Variants in PJA2 observed in about 807,000 individuals in gnomAD.
The protein encoded by PJA2 is praja ring finger ubiquitin ligase 2.
A neutral mutation model predicts 69.3 loss-of-function variants in PJA2; 25 were observed. The ratio of observed to expected loss-of-function variants is 0.36; its 90% confidence interval spans 0.26 to 0.50. PJA2 has a LOEUF of 0.50. Among genes scored for constraint, PJA2 ranks in the 20% least tolerant of loss-of-function variants. The pLI is 0.96. For synonymous variants in PJA2, 308 were observed against 277.8 expected, an observed-to-expected ratio of 1.11 and a Z score of -1.08; for missense variants, 809 against 830.2, an observed-to-expected ratio of 0.97 and a Z score of 0.31.
At chr5:109,391,376 T>C (rs573720503) in intron 1 of PJA2, among the ~76,000 whole-genome samples, 2 of 152,322 alleles carry the variant, frequency 1.3e-5, no homozygotes, top group African/African-American at 2.4e-5. Flanking sequence ...CATATTTTAA[T>C]GTTTGTTATG....
intron 3 of PJA2, among the ~76,000 whole-genome samples, chr5:109,379,829 T>C (rs1034720935): frequency 2.0e-5 from 3 of 152,208 alleles, no homozygotes; most frequent in South Asian, 2.1e-4. Flanking sequence ...AAGTTTACTT[T>C]AGATGTGTTA....
Position 109,409,874 on chromosome 5 carries a change from C to A in PJA2, c.-120G>T. 1 of 166,710 alleles carries A rather than the reference C, an allele frequency of 6.0e-6. No individual in the cohort carries two copies. The highest frequency in any genetic ancestry group is 1.1e-4 in the South Asian group (1 of 8,902). 10.3% of individuals were successfully genotyped at this position (166,710 alleles called of 1,614,324 possible). A position where few individuals can be genotyped will look rare whatever the true frequency, so the allele number is the denominator to read the frequency against. ...TGCAGCGGCTCCGGAGCGAGAACAG[C>A]GCTCGAACCTCCACCCGCCACCACC... is the stretch of plus-strand genomic sequence containing the variant. On this transcript the variant is annotated 5_prime_UTR_variant, in exon 1 of 10. Coordinates refer to ENST00000361189, the MANE Select transcript of PJA2 (RefSeq NM_014819.5).
intron 1 of PJA2, among the ~76,000 whole-genome samples, chr5:109,403,544 A>G (rs1330713485): frequency 1.3e-5 from 2 of 151,806 alleles, no homozygotes; most frequent in African/African-American, 4.8e-5. Flanking sequence ...AGTATCTTTC[A>G]TGAACATAGA....
chr5:109,356,089 G>T, intron 6 of PJA2, 63 bp from the exon 7 acceptor site: 1 of 1,082,750 alleles, frequency 9.2e-7, no homozygotes, highest in South Asian at 1.3e-5. Context: ...CTTATGCTGA[G>T]GACATAATTA....
At chr5:109,396,422 C>CTT (rs35744917) in intron 1 of PJA2, among the ~76,000 whole-genome samples, 238 of 85,228 alleles carry the variant, frequency 2.8e-3, no homozygotes, top group East Asian at 7.2e-3. Flanking sequence ...ATGTAAAGTT[C>CTT]TTTTTTTTTT....
chr5:109,380,804 CAAAAAAA>C (rs34675958), intron 3 of PJA2, among the ~76,000 whole-genome samples: 8 of 88,734 alleles, frequency 9.0e-5, no homozygotes, highest in African/African-American at 3.9e-4. Context: ...GATTCCATCT[CAAAAAAA>C]AAAAAAAAAA....
intron 1 of PJA2, among the ~76,000 whole-genome samples, chr5:109,387,551 T>C (rs1294096701): frequency 6.6e-6 from 1 of 152,218 alleles, no homozygotes; most frequent in Admixed American, 6.5e-5. Flanking sequence ...TTGTGACAAT[T>C]AGTCACTTCA....
chr5:109,354,938 G>T (rs1762388078), intron 7 of PJA2, among the ~76,000 whole-genome samples: 1 of 151,448 alleles, frequency 6.6e-6, no homozygotes, highest in Non-Finnish European at 1.5e-5. Flanking sequence ...AACATAATTG[G>T]ACCCTATCTC....
intron 9 of PJA2, among the ~76,000 whole-genome samples, chr5:109,340,625 C>CTCTCCCT (rs1306841705): frequency 0.039 from 50 of 1,284 alleles, 19 homozygotes; most frequent in Admixed American, 0.069. Flanking sequence ...GGTCCCTCCC[C>CTCTCCCT]CTCCCCCTCC....
intron 9 of PJA2, among the ~76,000 whole-genome samples, chr5:109,338,683 T>C (rs905850081): frequency 2.0e-5 from 3 of 151,930 alleles, no homozygotes; most frequent in African/African-American, 7.3e-5. Context: ...CAAACATTTA[T>C]TGTGTACTTG....
chr5:109,343,140 C>T (rs547649530), intron 9 of PJA2, among the ~76,000 whole-genome samples: 1 of 117,116 alleles, frequency 8.5e-6, no homozygotes, highest in African/African-American at 3.5e-5. Context: ...ACATGGGAGA[C>T]TTTTCATTTT....
intron 4 of PJA2, among the ~76,000 whole-genome samples, chr5:109,371,561 CA>C (rs1312291377): frequency 6.6e-6 from 1 of 152,116 alleles, no homozygotes; most frequent in East Asian, 1.9e-4. Context: ...TGCTTTTCTC[CA>C]AATTAGACCT....
chr5:109,402,155 C>A (rs967670188), intron 1 of PJA2, among the ~76,000 whole-genome samples: 1 of 151,958 alleles, frequency 6.6e-6, no homozygotes, highest in African/African-American at 2.4e-5. Flanking sequence ...ATAAAATGCA[C>A]TCAAAAATAG....
chr5:109,395,866 G>A (rs984808658), intron 1 of PJA2, among the ~76,000 whole-genome samples: 7 of 152,028 alleles, frequency 4.6e-5, no homozygotes, highest in Non-Finnish European at 5.9e-5. Flanking sequence ...TGGGTGTGGA[G>A]GCACATGCCT....
At chr5:109,356,825 T>A (rs1481758729) in intron 6 of PJA2, among the ~76,000 whole-genome samples, 1 of 152,144 alleles carries the variant, frequency 6.6e-6, no homozygotes, top group Admixed American at 6.6e-5. Context: ...AAATAGCTCC[T>A]AACTGCTCAT....
At position 109,356,036 on chromosome 5, in the gene PJA2, A is replaced by AT. The variant is rs201825772; in HGVS notation, c.1653-11_1653-10insA. On this transcript the variant is annotated splice_polypyrimidine_tract_variant and intron_variant, in intron 6 of 9. Transcript: ENST00000361189. ...AAAGCCATCAAATAGGCTGAAAAAA[A>AT]AAAAAAATAACAGAAAAAACTCACC... The AT allele has an allele frequency of 6.3e-7, 1 of 1,589,604 alleles. No individual in the cohort carries two copies. The highest frequency in any genetic ancestry group is 8.6e-7 in the Non-Finnish European group (1 of 1,163,288).
intron 4 of PJA2, among the ~76,000 whole-genome samples, chr5:109,372,905 C>CAACAAAAAAAA (rs1491136790): frequency 2.8e-5 from 1 of 35,700 alleles, no homozygotes; most frequent in African/African-American, 7.5e-5. Flanking sequence ...CACTCCGTCT[C>CAACAAAAAAAA]AAAAAAAAAA....
chr5:109,342,140 A>G (rs1762079186), intron 9 of PJA2, among the ~76,000 whole-genome samples: 1 of 102,400 alleles, frequency 9.8e-6, no homozygotes, highest in Non-Finnish European at 2.0e-5. Flanking sequence ...CCCGTCCGGG[A>G]GGGAGGTGGG....
In PJA2 at chr5:109,367,149, T is replaced by A. The variant is rs1427798404; in HGVS notation, c.1469+1412A>T. Among the ~76,000 whole-genome samples the A allele has an allele frequency of 2.0e-3, 290 of 143,732 alleles. 2 individuals are homozygous for A. The highest frequency in any genetic ancestry group is 0.012 in the East Asian group (59 of 5,046). The allele number at this position is 143,732 out of a possible 152,430, so 94.3% of individuals were successfully genotyped here. Reference sequence around the variant, plus strand: ...ACTCCGTCTCAAAAAAAAAAATATATATATATATATATATATCTATGATGT... The same window carrying A: ...ACTCCGTCTCAAAAAAAAAAATATAAATATATATATATATATCTATGATGT... On this transcript the variant is annotated intron_variant, in intron 5 of 9. Transcript: ENST00000361189.
Sources: gnomAD v4.1 joint callset for allele counts (sites outside exome capture counted in the v4.1 genomes callset) on GRCh38, gnomAD v4.1.1 for gene constraint, MANE v1.5 for transcripts, NCBI Gene and HGNC (gene_info 2026-07-23, HGNC 2026-07-21) for gene names.